CDK14: variants seen among roughly 807,000 people sequenced by gnomAD.
CDK14 encodes the protein cyclin-dependent kinase 14.
CDK14 carries 34 observed loss-of-function variants against 60.7 expected under a neutral mutation model. The observed-to-expected ratio is 0.56, with a 90% CI of 0.43 to 0.75. The LOEUF is 0.75. Among genes scored for constraint, CDK14 ranks in the 30% least tolerant of loss-of-function variants. CDK14 has a pLI of 0.00. For synonymous variants in CDK14, 197 were observed against 203.7 expected (o/e 0.97, Z 0.28); for missense variants, 482 against 564.1 (o/e 0.85, Z 1.47).
chr7:90,640,323 TTAA>T (rs1334935538), intron 2 of CDK14, among the ~76,000 whole-genome samples: 1 of 152,162 alleles, frequency 6.6e-6, no homozygotes, highest in Admixed American at 6.5e-5. Context: ...TTGTTTAATA[TTAA>T]TAATGATAAT....
At chr7:91,154,583 G>A (rs1800926877) in intron 14 of CDK14, among the ~76,000 whole-genome samples, 1 of 152,094 alleles carries the variant, frequency 6.6e-6, no homozygotes, top group Non-Finnish European at 1.5e-5. Flanking sequence ...GAAATTCTGT[G>A]AGAAGCAATT....
Position 90,767,918 on chromosome 7 carries a change from A to G in CDK14, c.464+20143A>G, listed in dbSNP as rs541527756. Among the ~76,000 whole-genome samples, 4 of 152,288 alleles carry G rather than the reference A, an allele frequency of 2.6e-5. No homozygotes were observed. In the East Asian group the frequency reaches 7.7e-4, roughly 29 times the overall value. On this transcript the variant is annotated intron_variant, in intron 4 of 14. Coordinates refer to ENST00000380050, the MANE Select transcript of CDK14 (RefSeq NM_001287135.2). ...GAGTTGGGGAGACATTGATTCTCTC[A>G]ACCTGTTGTGTCCTTTGAAACTCTT... is the stretch of plus-strand genomic sequence containing the variant.
intron 3 of CDK14, among the ~76,000 whole-genome samples, chr7:90,743,292 C>T (rs1168219708): frequency 3.3e-5 from 5 of 152,088 alleles, no homozygotes; most frequent in African/African-American, 1.2e-4. Context: ...GCAAGAACAG[C>T]TAAAATCTAC....
At chr7:91,111,586 T>G (rs1244790104) in intron 12 of CDK14, among the ~76,000 whole-genome samples, 12 of 152,156 alleles carry the variant, frequency 7.9e-5, no homozygotes, top group Admixed American at 6.6e-4. Context: ...CCTCTCAACT[T>G]GCTACCCAAG....
At chr7:90,941,556 G>C (rs1289134174) in intron 8 of CDK14, among the ~76,000 whole-genome samples, 3 of 152,098 alleles carry the variant, frequency 2.0e-5, no homozygotes, top group Non-Finnish European at 4.4e-5. Flanking sequence ...CTGGGTTCAA[G>C]TGATCCTCCT....
chr7:90,897,635 T>C (rs1268118160), intron 6 of CDK14, among the ~76,000 whole-genome samples: 1 of 152,100 alleles, frequency 6.6e-6, no homozygotes, highest in East Asian at 1.9e-4. Context: ...GTTATCCTTA[T>C]TTAAGGATGG....
intron 10 of CDK14, among the ~76,000 whole-genome samples, chr7:91,029,560 A>G (rs1470259865): frequency 4.2e-5 from 6 of 141,626 alleles, no homozygotes; most frequent in Admixed American, 1.4e-4. Context: ...GTGTTCCTGA[A>G]TGGGCTTCCT....
At chr7:90,781,303 A>G (rs1262628595) in intron 4 of CDK14, among the ~76,000 whole-genome samples, 1 of 151,984 alleles carries the variant, frequency 6.6e-6, no homozygotes, top group African/African-American at 2.4e-5. Context: ...TTCATTGTAG[A>G]TTCTGGATAT....
intron 10 of CDK14, among the ~76,000 whole-genome samples, chr7:90,989,280 TG>T (rs1231223675): frequency 6.6e-6 from 1 of 152,210 alleles, no homozygotes; most frequent in African/African-American, 2.4e-5. Context: ...ACCTCCTTGA[TG>T]GTTATTACCA....
At chr7:91,044,125 T>C (rs1328121868) in intron 10 of CDK14, among the ~76,000 whole-genome samples, 3 of 152,076 alleles carry the variant, frequency 2.0e-5, no homozygotes, top group Non-Finnish European at 4.4e-5. Flanking sequence ...CTTGAGAACA[T>C]GTGCCCAAGG....
intron 2 of CDK14, among the ~76,000 whole-genome samples, chr7:90,626,848 G>T (rs567608610): frequency 6.6e-6 from 1 of 151,146 alleles, no homozygotes; most frequent in African/African-American, 2.4e-5. Context: ...GTTGAGGTGG[G>T]ACGATCACTT....
At chr7:90,967,012 A>G (rs1052293535) in intron 9 of CDK14, among the ~76,000 whole-genome samples, 6 of 151,936 alleles carry the variant, frequency 3.9e-5, no homozygotes, top group Admixed American at 3.9e-4. Flanking sequence ...AGACAAATGC[A>G]GCAATGTTAG....
At chr7:90,893,356 GA>G (rs1445494516) in intron 6 of CDK14, among the ~76,000 whole-genome samples, 1 of 152,180 alleles carries the variant, frequency 6.6e-6, no homozygotes, top group Non-Finnish European at 1.5e-5. Flanking sequence ...CAATCTTTTG[GA>G]TATGCGTAGT....
intron 11 of CDK14, among the ~76,000 whole-genome samples, chr7:91,071,520 T>C (rs1366735092): frequency 6.6e-6 from 1 of 152,226 alleles, no homozygotes; most frequent in Non-Finnish European, 1.5e-5. Flanking sequence ...TCCACGGAAC[T>C]GTGCAACCCA....
chr7:90,827,809 C>T (rs988994280), intron 5 of CDK14, among the ~76,000 whole-genome samples: 1 of 152,118 alleles, frequency 6.6e-6, no homozygotes, highest in Non-Finnish European at 1.5e-5. Flanking sequence ...TCTTTTAAAG[C>T]CTCCAAATGC....
chr7:90,758,726 A>G (rs983349492), intron 4 of CDK14, among the ~76,000 whole-genome samples: 4 of 152,212 alleles, frequency 2.6e-5, no homozygotes, highest in Non-Finnish European at 5.9e-5. Context: ...ATAAATGAAG[A>G]TGTATCAATA....
intron 6 of CDK14, among the ~76,000 whole-genome samples, chr7:90,875,831 C>G (rs1791539682): frequency 1.3e-5 from 2 of 151,968 alleles, no homozygotes; most frequent in South Asian, 4.2e-4. Flanking sequence ...TTCACATATT[C>G]TATTGAAGTT....
chr7:90,908,132 T>A (rs751730622), intron 7 of CDK14, among the ~76,000 whole-genome samples: 1 of 152,184 alleles, frequency 6.6e-6, no homozygotes, highest in East Asian at 1.9e-4. Flanking sequence ...GTTTTCATCC[T>A]ATTTTTATTA....
At chr7:90,682,692 G>A (rs1801341622) in intron 2 of CDK14, among the ~76,000 whole-genome samples, 1 of 152,146 alleles carries the variant, frequency 6.6e-6, no homozygotes, top group Non-Finnish European at 1.5e-5. Context: ...GTTCACCTCA[G>A]TGCAGAACCA....
Sources: allele counts gnomAD v4.1 joint callset (sites outside exome capture counted in the v4.1 genomes callset), GRCh38; gene constraint gnomAD v4.1.1; transcripts MANE v1.5; gene names NCBI Gene and HGNC (gene_info 2026-07-23, HGNC 2026-07-21).